Variants in KMT2C observed in about 807,000 individuals in gnomAD.
KMT2C encodes the protein histone-lysine N-methyltransferase 2C.
KMT2C carries 88 observed loss-of-function variants against 507.9 expected under a neutral mutation model. That is an observed-to-expected ratio of 0.17 (90% CI 0.15 to 0.21). The LOEUF is 0.21. Among genes scored for constraint, KMT2C ranks in the 10% least tolerant of loss-of-function variants. KMT2C has a pLI of 1.00. For synonymous variants in KMT2C, 2,049 were observed against 2,080.8 expected, an observed-to-expected ratio of 0.98 and a Z score of 0.42; for missense variants, 4,954 against 5,957.8, an observed-to-expected ratio of 0.83 and a Z score of 5.55.
At chr7:152,348,664 C>T (rs1327973195) in intron 2 of KMT2C, among the ~76,000 whole-genome samples, 2 of 147,648 alleles carry the variant, frequency 1.4e-5, no homozygotes, top group East Asian at 4.0e-4. Flanking sequence ...ATACAGACAC[C>T]TCACCAATAA....
chr7:152,253,514 CAAA>C (rs71198770), intron 9 of KMT2C, among the ~76,000 whole-genome samples: 120 of 39,516 alleles, frequency 3.0e-3, no homozygotes, highest in African/African-American at 8.9e-3. Flanking sequence ...TCTTTCTCTA[CAAA>C]AAAAAAAAAA....
rs756421421 is a variant in KMT2C at position 152,181,675 on chromosome 7, T to G, written c.6185A>C (p.Gln2062Pro). ...SSQDPYGSVS[Q>P]ASRRLSVDPY... ...GTCAACAGACAATCGCCTTGATGCC[T>G]GTGACACTGATCCATAAGGATCCTG... Residue 2062 changes from glutamine (Q) to proline (P), a missense_variant, in exon 36 of 59, where the codon CAG becomes CCG. Coordinates refer to ENST00000262189, the MANE Select transcript of KMT2C (RefSeq NM_170606.3). The G allele has an allele frequency of 1.2e-6, 2 of 1,614,164 alleles. No individual in the cohort carries two copies. Among genetic ancestry groups the G allele is most frequent in the Non-Finnish European group, 1.7e-6 (2 of 1,180,002 alleles).
At chr7:152,356,447 G>A (rs1450377994) in intron 2 of KMT2C, among the ~76,000 whole-genome samples, 3 of 151,280 alleles carry the variant, frequency 2.0e-5, no homozygotes, top group East Asian at 2.0e-4. Context: ...GTGGTGGCGG[G>A]TGGCTGTAAT....
intron 6 of KMT2C, among the ~76,000 whole-genome samples, chr7:152,290,283 TA>T (rs2096399160): frequency 7.9e-5 from 3 of 38,188 alleles, no homozygotes; most frequent in Admixed American, 3.2e-4. Flanking sequence ...TATATATATA[TA>T]TATATATATA....
intron 1 of KMT2C, among the ~76,000 whole-genome samples, chr7:152,416,057 A>G (rs62495300): frequency 1.9e-4 from 29 of 148,836 alleles, no homozygotes; most frequent in South Asian, 4.3e-4. Flanking sequence ...AATTGATGCA[A>G]CCTTTTTAGG....
rs1320423903 is a variant in KMT2C at position 152,378,801 on chromosome 7, GAAGT to G, written c.162-20130_162-20127del. 9.2e-5 allele frequency among the ~76,000 whole-genome samples: 14 copies of G among 152,130 alleles called. No individual in the cohort carries two copies. In the East Asian group the frequency reaches 1.2e-3, roughly 13 times the overall value. ...TAACTTCCAATATTTTCTTCACTCT[GAAGT>G]AAGTATTTCCAACAGTGTATTATGT... On this transcript the variant is annotated intron_variant, in intron 1 of 58. Coordinates refer to ENST00000262189, the MANE Select transcript of KMT2C (RefSeq NM_170606.3).
chr7:152,145,371 T>C lies in KMT2C; in HGVS notation c.14032-76A>G, dbSNP rs2090997532. 3 of 1,450,990 alleles carry C rather than the reference T, an allele frequency of 2.1e-6. No individual in the cohort carries two copies. The South Asian group carries it at 3.8e-5, about 18-fold the overall frequency. The allele number at this position is 1,450,990 out of a possible 1,614,324, so 89.9% of individuals were successfully genotyped here. The stretch of plus-strand genomic sequence containing the variant: ...AGACAATCTCAAGCTGGTCAAAGGA[T>C]GGCCCACGACAGAAATAACTCATCA... On this transcript the variant is annotated intron_variant, in intron 53 of 58. Transcript: ENST00000262189.
Position 152,263,351 on chromosome 7 carries a change from AT to A in KMT2C, c.1185-222del, listed in dbSNP as rs1480622825. ...CACCTATGGTTAACTTGCTCTAGCCATTTTAGGATTCCTGCAAAGGAGGAAG... is the reference window on the plus strand; with the variant it reads ...CACCTATGGTTAACTTGCTCTAGCCATTTAGGATTCCTGCAAAGGAGGAAG... On this transcript the variant is annotated intron_variant, in intron 8 of 58. Coordinates refer to ENST00000262189, the MANE Select transcript of KMT2C (RefSeq NM_170606.3). 5.3e-5 allele frequency among the ~76,000 whole-genome samples: 8 copies of A among 152,304 alleles called. No homozygotes were observed. The East Asian group carries it at 1.5e-3, about 29-fold the overall frequency.
At chr7:152,147,973 A>C in intron 52 of KMT2C, 60 bp downstream of exon 52, 4 of 1,472,194 alleles carry the variant, frequency 2.7e-6, no homozygotes, top group Non-Finnish European at 3.6e-6. Context: ...GACAAAATAC[A>C]TTCATTAGCC....
At chr7:152,183,201 G>A (rs1312281049) in intron 34 of KMT2C, 45 bp from the exon 35 acceptor site, 10 of 1,394,948 alleles carry the variant, frequency 7.2e-6, no homozygotes, top group African/African-American at 1.5e-5. Context: ...TATGTTAAAT[G>A]TTTTAAGGAA....
In KMT2C at chr7:152,136,616, G is replaced by A. The variant is rs763142705; in HGVS notation, c.*216C>T. On this transcript the variant is annotated 3_prime_UTR_variant, in exon 59 of 59. Coordinates refer to ENST00000262189, the MANE Select transcript of KMT2C (RefSeq NM_170606.3). ...AAGTGCTGGACCATTCTGTGATTCC[G>A]TTTAACCTCGGCCACTTCAGGAACG... 2 of 541,886 alleles carry A rather than the reference G, an allele frequency of 3.7e-6. No individual in the cohort carries two copies. The highest frequency in any genetic ancestry group is 3.3e-6 in the Non-Finnish European group (1 of 304,132). 33.6% of individuals were successfully genotyped at this position (541,886 alleles called of 1,614,324 possible). A position where few individuals can be genotyped will look rare whatever the true frequency, so the allele number is the denominator to read the frequency against.
rs746962438 is a variant in KMT2C at position 152,156,301 on chromosome 7, G to A, written c.11716C>T (p.Pro3906Ser). Reference protein sequence around the residue: ...NPPTPPASLPPTPPPMACQKM... With the variant: ...NPPTPPASLPSTPPPMACQKM... ...TGACAAGCCATAGGAGGTGGTGTAGGAGGAAGAGAGGCAGGGGGTGTTGGA... is the reference window on the plus strand; with the variant it reads ...TGACAAGCCATAGGAGGTGGTGTAGAAGGAAGAGAGGCAGGGGGTGTTGGA... Residue 3906 changes from proline (P) to serine (S), a missense_variant, in exon 45 of 59, where the codon CCT (proline) becomes TCT (serine). By Grantham distance (74) the Pro-to-Ser change is moderately conservative. This residue lies in a region of KMT2C where 104 missense variants were observed against 134.3 expected (regional missense o/e 0.77). Coordinates refer to ENST00000262189, the MANE Select transcript of KMT2C (RefSeq NM_170606.3). The A allele has an allele frequency of 6.2e-7, 1 of 1,614,126 alleles. No individual in the cohort carries two copies. Among genetic ancestry groups the A allele is most frequent in the Admixed American group, 1.7e-5 (1 of 60,018 alleles).
intron 1 of KMT2C, among the ~76,000 whole-genome samples, chr7:152,369,865 A>G (rs1273383436): frequency 6.7e-6 from 1 of 149,504 alleles, no homozygotes; most frequent in Non-Finnish European, 1.5e-5. Context: ...GCAATAGAAA[A>G]TGAACTAAAA....
Position 152,299,323 on chromosome 7 carries a change from T to A in KMT2C, c.849+10643A>T, listed in dbSNP as rs1271249700. ...CAGAGCGAGACTCTATCTCAAAAAA[T>A]AAATAAATAAATAAATAAATAAATA... is the stretch of plus-strand genomic sequence containing the variant. On this transcript the variant is annotated intron_variant, in intron 6 of 58. Coordinates refer to ENST00000262189, the MANE Select transcript of KMT2C (RefSeq NM_170606.3). Among the ~76,000 whole-genome samples the A allele has an allele frequency of 2.5e-5, 3 of 118,946 alleles. 1 individual carries two copies. Among genetic ancestry groups the A allele is most frequent in the South Asian group, 5.1e-4 (2 of 3,894 alleles). 78.0% of individuals were successfully genotyped at this position (118,946 alleles called of 152,430 possible). A position where few individuals can be genotyped will look rare whatever the true frequency, so the allele number is the denominator to read the frequency against.
In KMT2C at chr7:152,139,696, T is replaced by C; in HGVS notation, c.14439A>G (p.Lys4813=). The C allele has an allele frequency of 6.2e-7, 1 of 1,613,418 alleles. No individual in the cohort carries two copies. Among genetic ancestry groups the C allele is most frequent in the Non-Finnish European group, 8.5e-7 (1 of 1,179,320 alleles). ...TIIRNEVANR[K]EKLYESQNRG... ...CTACCTGAGACTCATAAAGCTTCTC[T>C]TTCCTGTTGGCTACTTCGTTTCGAA... Residue 4813 remains lysine, a synonymous_variant, in exon 56 of 59, where the codon AAA becomes AAG. Coordinates refer to ENST00000262189, the MANE Select transcript of KMT2C (RefSeq NM_170606.3).
intron 39 of KMT2C, among the ~76,000 whole-genome samples, chr7:152,173,155 GCTT>G (rs1225241787): frequency 3.3e-5 from 5 of 152,212 alleles, no homozygotes; most frequent in African/African-American, 7.2e-5. Context: ...TCTCAAAAAT[GCTT>G]CTTAACCATG....
chr7:152,176,063 C>T lies in KMT2C; in HGVS notation c.9262+128G>A, dbSNP rs182846946. The T allele has an allele frequency of 2.0e-4, 204 of 1,030,592 alleles. No homozygotes were observed. In the African/African-American group the frequency reaches 2.8e-3, roughly 14 times the overall value. The allele number at this position is 1,030,592 out of a possible 1,614,324, so 63.8% of individuals were successfully genotyped here. ...GTCTCAAAACAAAACAAACAAACTCCTCAAGGAGGAATAGAAAAACTCAGT... is the reference window on the plus strand; with the variant it reads ...GTCTCAAAACAAAACAAACAAACTCTTCAAGGAGGAATAGAAAAACTCAGT... On this transcript the variant is annotated intron_variant, in intron 38 of 58. Transcript: ENST00000262189.
rs2129098840 is a variant in KMT2C at position 152,154,428 on chromosome 7, C to T, written c.11978G>A (p.Gly3993Asp). 6.2e-7 allele frequency: 1 copy of T among 1,613,454 alleles called. No individual in the cohort carries two copies. The highest frequency in any genetic ancestry group is 8.5e-7 in the Non-Finnish European group (1 of 1,179,980). Reference protein sequence around the residue: ...QEELRIQDHCGDRDTPDSFVP... With the variant: ...QEELRIQDHCDDRDTPDSFVP... ...AAAACTGTCAGGAGTATCTCGATCA[C>T]CACAGTGATCCTGTATCCTGAAAAA... is the stretch of plus-strand genomic sequence containing the variant. The change falls in exon 47 of 59, where the codon GGT becomes GAT. Residue 3993 changes from glycine (G) to aspartate (D), a missense_variant. This residue lies in a region of KMT2C where 104 missense variants were observed against 134.3 expected (regional missense o/e 0.77). Transcript: ENST00000262189.
chr7:152,173,567 A>C (rs1269872093), intron 39 of KMT2C, among the ~76,000 whole-genome samples: 4 of 152,204 alleles, frequency 2.6e-5, no homozygotes, highest in African/African-American at 9.6e-5. Context: ...AGAGGGCATA[A>C]TTTCAAAAAT....
Sources: allele counts gnomAD v4.1 joint callset (sites outside exome capture counted in the v4.1 genomes callset), GRCh38; gene constraint gnomAD v4.1.1; regional missense constraint gnomAD v4.1.1; transcripts MANE v1.5; gene names NCBI Gene and HGNC (gene_info 2026-07-23, HGNC 2026-07-21).